Variants in RIPOR2 observed in about 807,000 individuals in gnomAD.
RIPOR2 encodes the protein RHO family interacting cell polarization regulator 2.
In RIPOR2, 39 loss-of-function variants were observed where a neutral mutation model predicts 114.5. The observed-to-expected ratio is 0.34, with a 90% CI of 0.26 to 0.44. The LOEUF is 0.44. Ranked by LOEUF, RIPOR2 falls within the 20% of genes least tolerant of loss-of-function variation. The pLI is 1.00. For synonymous variants in RIPOR2, 445 were observed against 484.4 expected (o/e 0.92, Z 1.07); for missense variants, 1,007 against 1,255.1 (o/e 0.80, Z 2.99).
chr6:25,025,249 G>A (rs1337533989), intron 1 of RIPOR2, among the ~76,000 whole-genome samples: 2 of 152,246 alleles, frequency 1.3e-5, no homozygotes, highest in East Asian at 3.9e-4. Context: ...ATAGTCAAGG[G>A]GGGAAAAAGG....
chr6:24,808,762 C>CTTTTTTTT (rs10587871), intron 21 of RIPOR2, among the ~76,000 whole-genome samples: 1 of 128,076 alleles, frequency 7.8e-6, no homozygotes, highest in Non-Finnish European at 1.7e-5. Context: ...ATACTTTTTT[C>CTTTTTTTT]TTTTTTTTTT....
chr6:24,867,415 T>C (rs1159163346), intron 6 of RIPOR2, among the ~76,000 whole-genome samples: 1 of 152,218 alleles, frequency 6.6e-6, no homozygotes, highest in East Asian at 1.9e-4. Flanking sequence ...TAAATAAACA[T>C]TGCAAATTGT....
chr6:24,980,326 G>A (rs995661892), intron 1 of RIPOR2, among the ~76,000 whole-genome samples: 3 of 152,234 alleles, frequency 2.0e-5, no homozygotes, highest in African/African-American at 7.2e-5. Flanking sequence ...GCCTGTTATA[G>A]TGGGAAAGCT....
chr6:24,916,859 C>A (rs572004365), intron 1 of RIPOR2, among the ~76,000 whole-genome samples: 1 of 152,160 alleles, frequency 6.6e-6, no homozygotes, highest in Non-Finnish European at 1.5e-5. Context: ...AGAAGTCAGT[C>A]CCCTGTACTT....
At chr6:24,844,925 C>T (rs1031597901) in intron 12 of RIPOR2, among the ~76,000 whole-genome samples, 1 of 152,024 alleles carries the variant, frequency 6.6e-6, no homozygotes, top group Non-Finnish European at 1.5e-5. Flanking sequence ...AACATTACAG[C>T]AAATGCAGTG....
chr6:24,806,470 T>C lies in RIPOR2; in HGVS notation c.3047A>G (p.Glu1016Gly). The C allele has an allele frequency of 6.5e-7, 1 of 1,549,360 alleles. No homozygotes were observed. The highest frequency in any genetic ancestry group is 8.7e-7 in the Non-Finnish European group (1 of 1,145,212). The stretch of plus-strand genomic sequence containing the variant: ...TTGTTCATATGCCAGCCGCCCATCT[T>C]CTCCTAAATACAGAACATTAAACAT... ...VASETLLSLG[E>G]DGRLAYEQLD... Residue 1016 changes from glutamate to glycine, a missense_variant, in exon 22 of 22, where the codon GAA (glutamate) becomes GGA (glycine). By Grantham distance (98) the Glu-to-Gly change is moderately conservative. Coordinates refer to ENST00000643898, the MANE Select transcript of RIPOR2 (RefSeq NM_001286445.3).
chr6:24,895,415 G>GT (rs1380434438), intron 1 of RIPOR2, among the ~76,000 whole-genome samples: 1 of 150,454 alleles, frequency 6.6e-6, no homozygotes, highest in African/African-American at 2.5e-5. Flanking sequence ...TTAGTCTGGG[G>GT]TGGGGCCTGG....
At chr6:24,990,460 C>A (rs984028568) in intron 1 of RIPOR2, among the ~76,000 whole-genome samples, 3 of 152,208 alleles carry the variant, frequency 2.0e-5, no homozygotes, top group Admixed American at 1.3e-4. Context: ...CATATGGCCT[C>A]ATGGTCTCAA....
At chr6:24,842,710 C>G (rs1261618064) in intron 13 of RIPOR2, among the ~76,000 whole-genome samples, 152 bp downstream of exon 13, 1 of 152,152 alleles carries the variant, frequency 6.6e-6, no homozygotes, top group East Asian at 1.9e-4. Context: ...ATATGCACTA[C>G]TGGCATATTA....
chr6:24,836,704 G>A (rs1397870253), intron 14 of RIPOR2, among the ~76,000 whole-genome samples: 1 of 152,112 alleles, frequency 6.6e-6, no homozygotes, highest in Admixed American at 6.6e-5. Context: ...GAGCTTAGAG[G>A]CTTTGAATGC....
At chr6:25,027,543 G>A (rs917272189) in intron 1 of RIPOR2, among the ~76,000 whole-genome samples, 1 of 152,214 alleles carries the variant, frequency 6.6e-6, no homozygotes, top group African/African-American at 2.4e-5. Flanking sequence ...ATACATAACC[G>A]GCCTCGTGGT....
chr6:25,002,368 A>G (rs1398229681), intron 1 of RIPOR2, among the ~76,000 whole-genome samples: 1 of 152,154 alleles, frequency 6.6e-6, no homozygotes, highest in African/African-American at 2.4e-5. Flanking sequence ...TAAGATAACA[A>G]CCACCTGTTA....
intron 11 of RIPOR2, among the ~76,000 whole-genome samples, chr6:24,848,868 T>C (rs1448499108): frequency 2.0e-5 from 3 of 152,220 alleles, no homozygotes; most frequent in Non-Finnish European, 4.4e-5. Context: ...CTTGGCAATA[T>C]ACCGGGGGCA....
chr6:24,981,439 A>G (rs1241980000), intron 1 of RIPOR2, among the ~76,000 whole-genome samples: 4 of 152,108 alleles, frequency 2.6e-5, no homozygotes, highest in Non-Finnish European at 5.9e-5. Context: ...TCTAGGGAAC[A>G]TTTCCTTGCC....
At chr6:24,980,205 A>G (rs139311541) in intron 1 of RIPOR2, among the ~76,000 whole-genome samples, 4 of 152,340 alleles carry the variant, frequency 2.6e-5, no homozygotes, top group African/African-American at 9.6e-5. Context: ...AAGAATCTCA[A>G]TAAACACCAT....
chr6:24,943,352 G>A (rs1772239068), intron 1 of RIPOR2, among the ~76,000 whole-genome samples: 1 of 152,124 alleles, frequency 6.6e-6, no homozygotes, highest in South Asian at 2.1e-4. Context: ...GGGGTAGGGG[G>A]AGCAGGGAGG....
At chr6:24,844,317 C>T (rs1762041086) in intron 12 of RIPOR2, among the ~76,000 whole-genome samples, 1 of 151,856 alleles carries the variant, frequency 6.6e-6, no homozygotes, top group African/African-American at 2.4e-5. Context: ...CCAGAAATAT[C>T]CAGGTAACCA....
At chr6:24,957,701 G>A (rs1019130853) in intron 1 of RIPOR2, among the ~76,000 whole-genome samples, 5 of 152,036 alleles carry the variant, frequency 3.3e-5, no homozygotes, top group South Asian at 4.1e-4. Context: ...ATGAAACCCC[G>A]TCTCCACTGA....
chr6:25,039,341 A>C (rs149581813), intron 1 of RIPOR2, among the ~76,000 whole-genome samples: 153 of 152,308 alleles, frequency 1.0e-3, no homozygotes, highest in African/African-American at 3.6e-3. Context: ...GTGAGTTGGA[A>C]AATGCAACCC....
Sources: gnomAD v4.1 joint callset for allele counts (sites outside exome capture counted in the v4.1 genomes callset) on GRCh38, gnomAD v4.1.1 for gene constraint, MANE v1.5 for transcripts, NCBI Gene and HGNC (gene_info 2026-07-23, HGNC 2026-07-21) for gene names.